Variants in EPHA8 observed in about 807,000 individuals in gnomAD.
EPHA8 encodes ephrin type-A receptor 8.
Under a neutral mutation model 103.6 loss-of-function variants are expected in EPHA8, and 58 were observed. The ratio of observed to expected loss-of-function variants is 0.56; its 90% CI spans 0.45 to 0.70. The LOEUF (loss-of-function observed/expected upper bound fraction) is 0.70. Among genes scored for constraint, EPHA8 ranks in the 30% least tolerant of loss-of-function variants. The probability of loss-of-function intolerance (pLI) is 0.00; values close to 1 mark genes in which losing one functional copy is unlikely to be tolerated. For synonymous variants in EPHA8, 559 were observed against 572.5 expected, an observed-to-expected ratio of 0.98 and a Z score of 0.34; for missense variants, 1,304 against 1,395.2, an observed-to-expected ratio of 0.93 and a Z score of 1.04.
At chr1:22,599,633 GGAAGGGAGGGAGGGAAGGAAGGAAA>G (rs1557582966) in intron 13 of EPHA8, among the ~76,000 whole-genome samples, 3 of 84,620 alleles carry the variant, frequency 3.5e-5, no homozygotes, top group Non-Finnish European at 6.6e-5. Flanking sequence ...AGGGAAGGAA[GGAAGGGAGGGAGGGAAGGAAGGAAA>G]GGAGGGAGGG....
intron 5 of EPHA8, among the ~76,000 whole-genome samples, chr1:22,590,144 T>A (rs1190508159): frequency 6.6e-6 from 1 of 152,106 alleles, no homozygotes; most frequent in African/African-American, 2.4e-5. Flanking sequence ...ACCCACTAAA[T>A]GCCAAGTGTG....
intron 5 of EPHA8, among the ~76,000 whole-genome samples, chr1:22,592,149 A>G (rs528588917): frequency 6.6e-6 from 1 of 151,822 alleles, no homozygotes; most frequent in South Asian, 2.1e-4. Flanking sequence ...CCTCACCATC[A>G]CCACTTCTCT....
At chr1:22,587,688 G>A (rs1056164274) in intron 4 of EPHA8, among the ~76,000 whole-genome samples, 12 of 152,194 alleles carry the variant, frequency 7.9e-5, no homozygotes, top group Non-Finnish European at 8.8e-5. Flanking sequence ...ACTTCAGACT[G>A]TTCTGATTTT....
Position 22,597,837 on chromosome 1 carries a change from C to A in EPHA8, c.2092C>A (p.Arg698Ser). The A allele has an allele frequency of 6.2e-7, 1 of 1,611,570 alleles. No homozygotes were observed. The highest frequency in any genetic ancestry group is 1.1e-5 in the South Asian group (1 of 90,892). Reference sequence around the variant, plus strand: ...GCAATTCGACCATCCCAACATCATCCGCCTCGAGGGTGTCGTCACCCGTGG... The same window carrying A: ...GCAATTCGACCATCCCAACATCATCAGCCTCGAGGGTGTCGTCACCCGTGG... ...MGQFDHPNII[R>S]LEGVVTRGRL... The change falls in exon 11 of 17, where the codon CGC (arginine) becomes AGC (serine). Residue 698 changes from arginine to serine, a missense_variant. Physicochemically the swap from Arg to Ser is moderately radical, Grantham distance 110. Transcript: ENST00000166244. The surrounding 1 kb of genome is among the most constrained non-coding windows in gnomAD (Gnocchi z 4.6).
intron 2 of EPHA8, among the ~76,000 whole-genome samples, chr1:22,574,736 G>A (rs1640636308): frequency 6.6e-6 from 1 of 152,178 alleles, no homozygotes; most frequent in African/African-American, 2.4e-5. Flanking sequence ...TGTGAATAAT[G>A]CTGCTATGAA....
chr1:22,600,521 G>T, intron 13 of EPHA8, 140 bp from the exon 14 acceptor site: 1 of 1,176,220 alleles, frequency 8.5e-7, no homozygotes, highest in East Asian at 2.4e-5. Flanking sequence ...CCTCAGGACA[G>T]GTGCTCTGGG....
chr1:22,601,203 G>A (rs543759652), intron 15 of EPHA8, 97 bp from the exon 16 acceptor site: 60 of 1,529,990 alleles, frequency 3.9e-5, no homozygotes, highest in South Asian at 1.3e-4. Context: ...CTGGGCCCCC[G>A]GCCCCTGCCC....
intron 3 of EPHA8, among the ~76,000 whole-genome samples, chr1:22,578,687 GTA>G (rs1451856690): frequency 2.9e-5 from 4 of 138,530 alleles, no homozygotes; most frequent in Admixed American, 2.1e-4. Context: ...GTGCATGAGT[GTA>G]TGTGTGCCTG....
rs1325003324 is a variant in EPHA8 at position 22,598,493 on chromosome 1, G to C, written c.2178+281G>C. On this transcript the variant is annotated intron_variant, in intron 12 of 16. Coordinates refer to ENST00000166244, the MANE Select transcript of EPHA8 (RefSeq NM_020526.5). This position sits in a 1 kb window ranked among gnomAD's most constrained non-coding sequence, Gnocchi z 5.1. Reference sequence around the variant, plus strand: ...AATCCAGGCCCCACCCAGCTGGGGGGCATGCTGGCTGTGGTGGAGACGGCT... The same window carrying C: ...AATCCAGGCCCCACCCAGCTGGGGGCCATGCTGGCTGTGGTGGAGACGGCT... Among the ~76,000 whole-genome samples the C allele has an allele frequency of 1.3e-5, 2 of 152,192 alleles. No individual in the cohort carries two copies. Among genetic ancestry groups the C allele is most frequent in the Non-Finnish European group, 2.9e-5 (2 of 68,030 alleles).
At chr1:22,578,115 CGT>C (rs974790113) in intron 3 of EPHA8, among the ~76,000 whole-genome samples, 9 of 55,588 alleles carry the variant, frequency 1.6e-4, no homozygotes, top group African/African-American at 3.7e-4. Context: ...TGCATGTGTG[CGT>C]GAGTGTATGC....
rs199791152 is a variant in EPHA8 at position 22,597,734 on chromosome 1, C to G, written c.1989C>G (p.Pro663=). 2 of 1,612,986 alleles carry G rather than the reference C, an allele frequency of 1.2e-6. No homozygotes were observed. The highest frequency in any genetic ancestry group is 2.2e-5 in the East Asian group (1 of 44,876). The change falls in exon 11 of 17, where the codon CCC becomes CCG. Residue 663 remains proline, a synonymous_variant. Coordinates refer to ENST00000166244, the MANE Select transcript of EPHA8 (RefSeq NM_020526.5). This position sits in a 1 kb window ranked among gnomAD's most constrained non-coding sequence, Gnocchi z 4.6. ...RLRVPGQRDV[P]VAIKALKAGY... ...GGGTGCCAGGGCAGCGGGATGTGCC[C>G]GTGGCCATCAAGGCCCTCAAAGCCG...
intron 2 of EPHA8, among the ~76,000 whole-genome samples, chr1:22,571,302 G>A (rs1276120564): frequency 1.3e-5 from 2 of 152,184 alleles, no homozygotes; most frequent in South Asian, 2.1e-4. Context: ...GGTCACAGGC[G>A]TAATCTCATC....
Position 22,579,078 on chromosome 1 carries a change from T to C in EPHA8, c.823+2198T>C, listed in dbSNP as rs573591506. On this transcript the variant is annotated intron_variant, in intron 3 of 16. Coordinates refer to ENST00000166244, the MANE Select transcript of EPHA8 (RefSeq NM_020526.5). ...GCATGTATGTATGCATGTGTGTGCA[T>C]GTGTACGTGCATGTGTGCATGTGTA... 3.7e-3 allele frequency among the ~76,000 whole-genome samples: 477 copies of C among 129,498 alleles called. 1 individual carries two copies. The highest frequency in any genetic ancestry group is 0.013 in the African/African-American group (455 of 34,900). The allele number at this position is 129,498 out of a possible 152,430, so 85.0% of individuals were successfully genotyped here. A position where few individuals can be genotyped will look rare whatever the true frequency, so the allele number is the denominator to read the frequency against.
In EPHA8 at chr1:22,589,207, G is replaced by T; in HGVS notation, c.1315+1G>T. 1 of 1,613,980 alleles carries T rather than the reference G, an allele frequency of 6.2e-7. No homozygotes were observed. The highest frequency in any genetic ancestry group is 1.7e-5 in the Admixed American group (1 of 60,032). On this transcript the variant is annotated splice_donor_variant, in intron 5 of 16. Coordinates refer to ENST00000166244, the MANE Select transcript of EPHA8 (RefSeq NM_020526.5). LOFTEE classifies it high-confidence loss of function. The surrounding 1 kb of genome is among the most constrained non-coding windows in gnomAD (Gnocchi z 4.3). ...GTCAACATCACCACGAACCAGGCAG[G>T]TAGGCGGAGAAACTCCGTCCCGCAG...
At chr1:22,582,118 CT>C (rs1323609943) in intron 3 of EPHA8, among the ~76,000 whole-genome samples, 1 of 152,220 alleles carries the variant, frequency 6.6e-6, no homozygotes, top group African/African-American at 2.4e-5. Context: ...CTTGAGATGT[CT>C]TCTGCAATCT....
rs115321711 is a variant in EPHA8, at chr1:22,585,512, T to A, written c.824-968T>A. ...TTACCCTTCCATCACCTTAGCCCCC[T>A]TGTTCTCTCCCTCCCTCCTAGCAGT... On this transcript the variant is annotated intron_variant, in intron 3 of 16. Transcript: ENST00000166244. 7.8e-3 allele frequency among the ~76,000 whole-genome samples: 1,192 copies of A among 152,290 alleles called. 9 individuals are homozygous for A. Among genetic ancestry groups the A allele is most frequent in the African/African-American group, 0.025 (1,028 of 41,546 alleles).
rs765031953 is a variant in EPHA8, at chr1:22,601,340, C to T, written c.2770C>T (p.Arg924Ter). The change falls in exon 16 of 17, where the codon CGA (arginine) becomes TGA (stop). Residue 924 changes from arginine (R) to a stop codon, truncating the protein, a stop_gained. Transcript: ENST00000166244. LOFTEE classifies it high-confidence loss of function. ...CTTCGTCCGGAGCTGCTTTGACCTCCGAGGGGGCAGCGGTGGCGGTGGGGG... is the reference window on the plus strand; with the variant it reads ...CTTCGTCCGGAGCTGCTTTGACCTCTGAGGGGGCAGCGGTGGCGGTGGGGG... ...PAFVRSCFDL[R>*]GGSGGGGGLT... is the part of the protein sequence containing the mutation. The T allele has an allele frequency of 5.6e-6, 9 of 1,607,680 alleles. No individual in the cohort carries two copies. The highest frequency in any genetic ancestry group is 1.1e-5 in the South Asian group (1 of 90,516).
chr1:22,600,890 C>T lies in EPHA8; in HGVS notation c.2539-8C>T, dbSNP rs533284189. The T allele has an allele frequency of 5.6e-6, 9 of 1,599,680 alleles. No individual in the cohort carries two copies. In the South Asian group the frequency reaches 1.0e-4, roughly 18 times the overall value. ...GGGACGGCTGAGCCCAGCGCTGATC[C>T]CCTGCAGGTCATCAGCTCTGTGGAG... On this transcript the variant is annotated splice_region_variant and splice_polypyrimidine_tract_variant and intron_variant, in intron 14 of 16. Coordinates refer to ENST00000166244, the MANE Select transcript of EPHA8 (RefSeq NM_020526.5).
At chr1:22,578,189 CATGTGTGTG>C (rs1640823344) in intron 3 of EPHA8, among the ~76,000 whole-genome samples, 3 of 33,036 alleles carry the variant, frequency 9.1e-5, no homozygotes, top group African/African-American at 2.3e-4. Context: ...TGTGTGCGTG[CATGTGTGTG>C]CGTGCGAGTG....
Sources: allele counts gnomAD v4.1 joint callset (sites outside exome capture counted in the v4.1 genomes callset), GRCh38; gene constraint gnomAD v4.1.1; non-coding constraint Gnocchi (gnomAD v3.1); transcripts MANE v1.5; gene names NCBI Gene and HGNC (gene_info 2026-07-23, HGNC 2026-07-21).